The following MYB variants were observed in gnomAD, a reference collection of about 807,000 sequenced individuals.
MYB encodes the protein MYB proto-oncogene, transcription factor, also known as transcriptional activator Myb.
MYB carries 28 observed loss-of-function variants against 92.9 expected under a neutral mutation model. The ratio of observed to expected loss-of-function variants is 0.30; its 90% CI spans 0.22 to 0.41. The LOEUF (loss-of-function observed/expected upper bound fraction) is 0.41. Ranked by LOEUF, MYB falls within the 10% of genes least tolerant of loss-of-function variation. The pLI, the probability that MYB is intolerant of heterozygous loss-of-function variation, is 1.00. For synonymous variants in MYB, 295 were observed against 329.1 expected, an observed-to-expected ratio of 0.90 and a Z score of 1.12; for missense variants, 679 against 929.3, an observed-to-expected ratio of 0.73 and a Z score of 3.50.
intron 15 of MYB, among the ~76,000 whole-genome samples, chr6:135,208,350 TAC>T (rs1226593980): frequency 6.6e-6 from 1 of 151,512 alleles, no homozygotes; most frequent in Non-Finnish European, 1.5e-5. Context: ...GTGCTGGGAT[TAC>T]AGACATGAGC....
intron 1 of MYB, among the ~76,000 whole-genome samples, chr6:135,184,928 CATTATG>C (rs1775720157): frequency 6.6e-6 from 1 of 152,130 alleles, no homozygotes; most frequent in African/African-American, 2.4e-5. Flanking sequence ...GATTAACAAA[CATTATG>C]ATTATGATTA....
intron 15 of MYB, among the ~76,000 whole-genome samples, chr6:135,206,221 A>AC (rs1347712047): frequency 1.4e-5 from 2 of 143,886 alleles, no homozygotes; most frequent in Non-Finnish European, 3.0e-5. Flanking sequence ...AAAAAAAAAA[A>AC]AAAAAATAAT....
chr6:135,192,741 C>G (rs1335659510), intron 6 of MYB, among the ~76,000 whole-genome samples, 183 bp downstream of exon 6: 1 of 152,134 alleles, frequency 6.6e-6, no homozygotes, highest in Non-Finnish European at 1.5e-5. Flanking sequence ...TGGTTTATGT[C>G]TCCAGAAACG....
chr6:135,195,879 T>C lies in MYB; in HGVS notation c.1080T>C (p.Asp360=). The part of the protein sequence containing the change: ...EHHSTPSLPA[D]PGSLPEESAS... The stretch of plus-strand genomic sequence containing the variant: ...ACTCCACTCCATCTCTGCCAGCGGA[T>C]CCTGGCTCCCTACCTGAAGAAAGCG... Residue 360 remains aspartate, a synonymous_variant, in exon 9 of 16, where the codon GAT becomes GAC. Transcript: ENST00000341911. The C allele has an allele frequency of 6.2e-7, 1 of 1,614,188 alleles. No homozygotes were observed.
chr6:135,201,557 G>T, intron 13 of MYB, 82 bp from the exon 14 acceptor site: 1 of 810,704 alleles, frequency 1.2e-6, no homozygotes, highest in Non-Finnish European at 1.9e-6. Flanking sequence ...GTATTTGAGG[G>T]ACTGGCCAGA....
intron 15 of MYB, among the ~76,000 whole-genome samples, chr6:135,206,225 A>AATAATAATAAT (rs1554254479): frequency 1.0e-5 from 1 of 96,644 alleles, no homozygotes; most frequent in African/African-American, 4.1e-5. Context: ...AAAAAAAAAA[A>AATAATAATAAT]AATAATAATA....
At position 135,181,642 on chromosome 6, in the gene MYB, G is replaced by A. The variant is rs1775051452; in HGVS notation, c.23+106G>A. On this transcript the variant is annotated intron_variant, in intron 1 of 15. Coordinates refer to ENST00000341911, the MANE Select transcript of MYB (RefSeq NM_001130173.2). This position sits in a 1 kb window ranked among gnomAD's most constrained non-coding sequence, Gnocchi z 5.3. The stretch of plus-strand genomic sequence containing the variant: ...AATTCGTTCCGGGATCATCTGAGGG[G>A]CTGTCAGACCCTCCGAGGACCTGGA... 3 of 814,004 alleles carry A rather than the reference G, an allele frequency of 3.7e-6. No individual in the cohort carries two copies. The highest frequency in any genetic ancestry group is 4.7e-6 in the Non-Finnish European group (3 of 633,934). The allele number at this position is 814,004 out of a possible 1,614,324, so 50.4% of individuals were successfully genotyped here. A position where few individuals can be genotyped will look rare whatever the true frequency, so the allele number is the denominator to read the frequency against.
intron 15 of MYB, among the ~76,000 whole-genome samples, chr6:135,207,153 T>C (rs1004199916): frequency 6.6e-5 from 10 of 152,210 alleles, no homozygotes; most frequent in African/African-American, 2.4e-4. Flanking sequence ...TTAAATGATA[T>C]GTATTTTACT....
rs752639844 is a variant in MYB at position 135,203,329 on chromosome 6, T to C, written c.2169+5T>C. The C allele has an allele frequency of 4.5e-6, 7 of 1,550,022 alleles. No individual in the cohort carries two copies. The Admixed American group carries it at 5.0e-5, about 11-fold the overall frequency. On this transcript the variant is annotated splice_donor_5th_base_variant and intron_variant, in intron 15 of 15. Coordinates refer to ENST00000341911, the MANE Select transcript of MYB (RefSeq NM_001130173.2). The stretch of plus-strand genomic sequence containing the variant: ...TCCCTGGCGAGCCCCTTGCAGGTAA[T>C]TACTATTCCAACATTGGTATTTTAA...
chr6:135,200,443 AAGCTG>A, intron 13 of MYB, 28 bp downstream of exon 13: 1 of 1,613,596 alleles, frequency 6.2e-7, no homozygotes, highest in South Asian at 1.1e-5. Context: ...TGGAAGCAAC[AAGCTG>A]AGAATCCTGC....
chr6:135,194,795 TG>T, intron 8 of MYB: 1 of 711,986 alleles, frequency 1.4e-6, no homozygotes, highest in Non-Finnish European at 2.1e-6. Flanking sequence ...TGTATCTATA[TG>T]GTACCATTTT....
chr6:135,208,081 A>ATTT (rs34723585), intron 15 of MYB, among the ~76,000 whole-genome samples: 1,740 of 135,532 alleles, frequency 0.013, 52 homozygotes, highest in African/African-American at 0.046. Flanking sequence ...TTTTTTTTTA[A>ATTT]TTTTTTTTTT....
chr6:135,192,917 T>C (rs115281620), intron 6 of MYB, among the ~76,000 whole-genome samples: 1,828 of 152,296 alleles, frequency 0.012, 34 homozygotes, highest in African/African-American at 0.04. Flanking sequence ...GGAGTCGCAT[T>C]TGTAGATGTA....
chr6:135,203,550 A>G (rs1778439106), intron 15 of MYB: 2 of 695,850 alleles, frequency 2.9e-6, no homozygotes, highest in South Asian at 2.0e-5. Flanking sequence ...TTATCAGTGC[A>G]GATTCCCCAA....
In MYB at chr6:135,195,856, T is replaced by C; in HGVS notation, c.1057T>C (p.Ser353Pro). The stretch of plus-strand genomic sequence containing the variant: ...TGTTTCCTGTTTGGGAGAACACCAC[T>C]CCACTCCATCTCTGCCAGCGGATCC... ...APVSCLGEHH[S>P]TPSLPADPGS... Residue 353 changes from serine (S) to proline (P), a missense_variant, in exon 9 of 16, where the codon TCC becomes CCC. Physicochemically the swap from Ser to Pro is moderately conservative, Grantham distance 74. Coordinates refer to ENST00000341911, the MANE Select transcript of MYB (RefSeq NM_001130173.2). 6.2e-7 allele frequency: 1 copy of C among 1,614,078 alleles called. No individual in the cohort carries two copies. Among genetic ancestry groups the C allele is most frequent in the Non-Finnish European group, 8.5e-7 (1 of 1,180,022 alleles).
chr6:135,202,829 A>G, intron 14 of MYB: 1 of 426,128 alleles, frequency 2.3e-6, no homozygotes, highest in Non-Finnish European at 4.6e-6. Flanking sequence ...TTTTGCCAAT[A>G]ATTTATAGCT....
intron 11 of MYB, 69 bp from the exon 12 acceptor site, chr6:135,200,016 G>A: frequency 1.7e-6 from 2 of 1,194,962 alleles, no homozygotes; most frequent in Non-Finnish European, 2.5e-6. Flanking sequence ...AATGTTAAAT[G>A]TAACAGGTAA....
chr6:135,198,129 T>C (rs1188320700), intron 10 of MYB, among the ~76,000 whole-genome samples: 5 of 152,224 alleles, frequency 3.3e-5, no homozygotes, highest in African/African-American at 1.2e-4. Context: ...TGGGAAACAC[T>C]GAATCAAACA....
chr6:135,210,038 C>A (rs1196391490), intron 15 of MYB, among the ~76,000 whole-genome samples: 2 of 152,210 alleles, frequency 1.3e-5, no homozygotes, highest in African/African-American at 4.8e-5. Context: ...CCGAGAGAGA[C>A]CGAGGCAGAC....
Sources: allele counts gnomAD v4.1 joint callset (sites outside exome capture counted in the v4.1 genomes callset), GRCh38; gene constraint gnomAD v4.1.1; non-coding constraint Gnocchi (gnomAD v3.1); transcripts MANE v1.5; gene names NCBI Gene and HGNC (gene_info 2026-07-23, HGNC 2026-07-21).